The following HS3ST4 variants were observed in gnomAD, a reference collection of about 807,000 sequenced individuals.
HS3ST4 encodes the protein heparan sulfate-glucosamine 3-sulfotransferase 4.
HS3ST4 carries 17 observed loss-of-function variants against 29.2 expected under a neutral mutation model. The observed-to-expected ratio is 0.58, with a 90% CI of 0.40 to 0.87. HS3ST4 has a LOEUF of 0.87. Among genes scored for constraint, HS3ST4 ranks in the 40% least tolerant of loss-of-function variants. HS3ST4 has a pLI of 0.00. For synonymous variants in HS3ST4, 314 were observed against 285.7 expected, an observed-to-expected ratio of 1.10 and a Z score of -1.00; for missense variants, 627 against 634.5, an observed-to-expected ratio of 0.99 and a Z score of 0.13.
Position 25,768,654 on chromosome 16 carries a change from G to A in HS3ST4, c.734+75503G>A, listed in dbSNP as rs557668447. ...GCTGTATGGCCTGAATGACCTTCCTGCATTTTGTATTGTAAAAGTTGCTCT... is the reference window on the plus strand; with the variant it reads ...GCTGTATGGCCTGAATGACCTTCCTACATTTTGTATTGTAAAAGTTGCTCT... On this transcript the variant is annotated intron_variant, in intron 1 of 1. Coordinates refer to ENST00000331351, the MANE Select transcript of HS3ST4 (RefSeq NM_006040.3). Among the ~76,000 whole-genome samples the A allele has an allele frequency of 3.3e-5, 5 of 152,210 alleles. No homozygotes were observed. In the East Asian group the frequency reaches 7.7e-4, roughly 24 times the overall value.
intron 1 of HS3ST4, among the ~76,000 whole-genome samples, chr16:26,068,372 C>G (rs1196486041): frequency 6.6e-6 from 1 of 152,022 alleles, no homozygotes; most frequent in Non-Finnish European, 1.5e-5. Context: ...CAAATGTCAG[C>G]TATATTAAAA....
chr16:26,058,425 G>T (rs1435589296), intron 1 of HS3ST4, among the ~76,000 whole-genome samples: 3 of 152,180 alleles, frequency 2.0e-5, no homozygotes, highest in Non-Finnish European at 4.4e-5. Context: ...GCAGCAACAC[G>T]AGTGAGCTAA....
intron 1 of HS3ST4, among the ~76,000 whole-genome samples, chr16:25,735,965 A>G (rs1323484755): frequency 6.6e-6 from 1 of 152,204 alleles, no homozygotes; most frequent in Non-Finnish European, 1.5e-5. Flanking sequence ...AAAGATATGC[A>G]GAGAGGGTCT....
chr16:25,714,970 A>G (rs1203869934), intron 1 of HS3ST4, among the ~76,000 whole-genome samples: 9 of 152,218 alleles, frequency 5.9e-5, no homozygotes, highest in African/African-American at 2.2e-4. Flanking sequence ...TCTTATTTCT[A>G]AGTTCTTGGG....
At chr16:25,828,713 C>A (rs1311510981) in intron 1 of HS3ST4, among the ~76,000 whole-genome samples, 1 of 152,230 alleles carries the variant, frequency 6.6e-6, no homozygotes, top group Admixed American at 6.5e-5. Flanking sequence ...TGTCCATGTG[C>A]AAACATACTT....
intron 1 of HS3ST4, among the ~76,000 whole-genome samples, chr16:25,970,710 A>G (rs1276688318): frequency 6.6e-6 from 1 of 151,902 alleles, no homozygotes; most frequent in Non-Finnish European, 1.5e-5. Flanking sequence ...GTAGAGATGG[A>G]CACTTGCTTG....
At chr16:25,986,989 G>A (rs750809191) in intron 1 of HS3ST4, among the ~76,000 whole-genome samples, 25 of 152,166 alleles carry the variant, frequency 1.6e-4, no homozygotes, top group Non-Finnish European at 3.4e-4. Flanking sequence ...AATGTCTGCC[G>A]GCTGGCAGGG....
rs1966251091 is a variant in HS3ST4 at position 25,692,071 on chromosome 16, G to C, written c.-347G>C. 1 of 151,064 alleles carries C rather than the reference G, an allele frequency of 6.6e-6. No homozygotes were observed. Among genetic ancestry groups the C allele is most frequent in the Admixed American group, 6.6e-5 (1 of 15,198 alleles). The allele number at this position is 151,064 out of a possible 1,614,324, so 9.4% of individuals were successfully genotyped here. The stretch of plus-strand genomic sequence containing the variant: ...AGAGGCTGAAGCAGAAGCCGCGGCG[G>C]AGCCGGGGAAGCGGGGGCGCTGCAG... On this transcript the variant is annotated 5_prime_UTR_variant, in exon 1 of 2. Transcript: ENST00000331351.
At chr16:26,122,484 A>G (rs1044573399) in intron 1 of HS3ST4, among the ~76,000 whole-genome samples, 8 of 152,174 alleles carry the variant, frequency 5.3e-5, no homozygotes, top group African/African-American at 1.9e-4. Context: ...GAAATAAATA[A>G]AAGCAATGCC....
intron 1 of HS3ST4, among the ~76,000 whole-genome samples, chr16:25,783,801 AT>A (rs1326439741): frequency 6.6e-6 from 1 of 152,190 alleles, no homozygotes; most frequent in African/African-American, 2.4e-5. Context: ...GATTTTAGAG[AT>A]TTCAAAATAC....
chr16:25,939,205 C>G (rs1381615000), intron 1 of HS3ST4, among the ~76,000 whole-genome samples: 1 of 152,016 alleles, frequency 6.6e-6, no homozygotes, highest in Non-Finnish European at 1.5e-5. Context: ...GCCCTATAAG[C>G]AATGTAGACC....
chr16:26,003,032 C>T (rs917742901), intron 1 of HS3ST4, among the ~76,000 whole-genome samples: 3 of 151,396 alleles, frequency 2.0e-5, no homozygotes, highest in East Asian at 1.9e-4. Context: ...AGTTTTGACA[C>T]GCTTGGCAGG....
At chr16:25,838,628 C>T (rs4511540) in intron 1 of HS3ST4, among the ~76,000 whole-genome samples, 43,059 of 151,980 alleles carry the variant, frequency 0.28, 6,369 homozygotes, top group Admixed American at 0.35. Context: ...TTATTTCTCA[C>T]GCTCTGTCTT....
chr16:25,802,388 T>C (rs1001348497), intron 1 of HS3ST4, among the ~76,000 whole-genome samples: 23 of 152,132 alleles, frequency 1.5e-4, no homozygotes, highest in African/African-American at 5.3e-4. Flanking sequence ...TAAATGCTTA[T>C]ATATTGGGGT....
intron 1 of HS3ST4, among the ~76,000 whole-genome samples, chr16:26,018,299 G>A (rs1410889899): frequency 6.6e-6 from 1 of 152,188 alleles, no homozygotes; most frequent in African/African-American, 2.4e-5. Flanking sequence ...AGGGACCAGG[G>A]TTTATATCTT....
intron 1 of HS3ST4, among the ~76,000 whole-genome samples, chr16:25,738,204 G>A (rs1358351505): frequency 2.6e-5 from 4 of 151,870 alleles, no homozygotes; most frequent in Non-Finnish European, 4.4e-5. Context: ...ACGCCCAGCC[G>A]ATACCTGTAG....
chr16:25,720,237 C>G (rs577705778), intron 1 of HS3ST4, among the ~76,000 whole-genome samples: 33 of 152,134 alleles, frequency 2.2e-4, no homozygotes, highest in Admixed American at 9.2e-4. Flanking sequence ...CTGTGATTGG[C>G]ATGTTTGAGA....
chr16:25,878,728 G>A (rs1191659297), intron 1 of HS3ST4, among the ~76,000 whole-genome samples: 1 of 152,140 alleles, frequency 6.6e-6, no homozygotes, highest in Non-Finnish European at 1.5e-5. Context: ...AGCTGCTGGA[G>A]GTCTTCTGGG....
At chr16:26,009,884 C>A (rs1969294927) in intron 1 of HS3ST4, among the ~76,000 whole-genome samples, 1 of 152,210 alleles carries the variant, frequency 6.6e-6, no homozygotes, top group African/African-American at 2.4e-5. Flanking sequence ...ACTCTAAGAC[C>A]TGAATGAACT....
Sources: gnomAD v4.1 joint callset for allele counts (sites outside exome capture counted in the v4.1 genomes callset) on GRCh38, gnomAD v4.1.1 for gene constraint, MANE v1.5 for transcripts, NCBI Gene and HGNC (gene_info 2026-07-23, HGNC 2026-07-21) for gene names.